DGKH: variants seen among roughly 807,000 people sequenced by gnomAD.
DGKH encodes the protein diacylglycerol kinase eta.
In DGKH, 90 loss-of-function variants were observed where a neutral mutation model predicts 159.3. That is an observed-to-expected ratio of 0.57 (90% CI 0.48 to 0.67). The LOEUF (loss-of-function observed/expected upper bound fraction) is 0.67. Among genes scored for constraint, DGKH ranks in the 30% least tolerant of loss-of-function variants. DGKH has a pLI of 0.00. For synonymous variants in DGKH, 536 were observed against 553.8 expected (o/e 0.97, Z 0.45); for missense variants, 1,181 against 1,506.1 (o/e 0.78, Z 3.57).
At chr13:42,135,494 A>AG (rs1955384006) in intron 3 of DGKH, among the ~76,000 whole-genome samples, 1 of 144,056 alleles carries the variant, frequency 6.9e-6, no homozygotes, top group Non-Finnish European at 1.6e-5. Flanking sequence ...TGTCTCAGAA[A>AG]AAAAAAAAAA....
chr13:42,133,964 G>A (rs1955345716), intron 3 of DGKH, among the ~76,000 whole-genome samples: 3 of 152,156 alleles, frequency 2.0e-5, no homozygotes, highest in Non-Finnish European at 4.4e-5. Flanking sequence ...GGCTAATGGT[G>A]CAGTTTGGTG....
chr13:42,180,587 C>G (rs1359503922), intron 13 of DGKH, among the ~76,000 whole-genome samples: 1 of 152,152 alleles, frequency 6.6e-6, no homozygotes. Context: ...TTTCTTTGAC[C>G]TTGGCCTGAC....
chr13:42,187,912 A>C (rs347393), intron 14 of DGKH, among the ~76,000 whole-genome samples: 12,553 of 152,196 alleles, frequency 0.082, 1,412 homozygotes, highest in African/African-American at 0.26. Flanking sequence ...AACTAAAATA[A>C]GAACAGTTTA....
intron 26 of DGKH, among the ~76,000 whole-genome samples, chr13:42,218,522 T>A (rs950961728): frequency 1.2e-3 from 183 of 148,970 alleles, no homozygotes; most frequent in African/African-American, 4.4e-3. Flanking sequence ...TTTTTTTTTT[T>A]TTGAGTCAGA....
intron 1 of DGKH, among the ~76,000 whole-genome samples, chr13:42,099,370 A>G (rs1420320007): frequency 2.6e-5 from 4 of 152,128 alleles, no homozygotes; most frequent in African/African-American, 9.7e-5. Flanking sequence ...GCCCTGAAGG[A>G]GCCTGCATCC....
chr13:42,156,566 C>T (rs1237802960), intron 5 of DGKH, among the ~76,000 whole-genome samples: 1 of 152,142 alleles, frequency 6.6e-6, no homozygotes. Context: ...AAAGCAAATA[C>T]ATTAATAATT....
Position 42,229,100 on chromosome 13 carries a change from A to G in DGKH, c.3575A>G (p.Asp1192Gly). ...CCTTTTTCTGTTCTTTTATTTTAGG[A>G]TCTGGGGATACCGAAAGTGGGTCAT... ...LLHLERRDLK[D>G]LGIPKVGHVK... The change falls in exon 30 of 30, where the codon GAT becomes GGT. Residue 1192 changes from aspartate to glycine, a missense_variant and splice_region_variant. Transcript: ENST00000337343. The G allele has an allele frequency of 6.2e-7, 1 of 1,607,498 alleles. No individual in the cohort carries two copies. Among genetic ancestry groups the G allele is most frequent in the South Asian group, 1.1e-5 (1 of 89,726 alleles).
At chr13:42,090,741 G>A (rs549976761) in intron 1 of DGKH, among the ~76,000 whole-genome samples, 20 of 152,238 alleles carry the variant, frequency 1.3e-4, no homozygotes, top group African/African-American at 4.1e-4. Flanking sequence ...GAATGTTTTC[G>A]TCTCCTCCAA....
At chr13:42,186,963 A>G (rs1426678489) in intron 13 of DGKH, 86 bp from the exon 14 acceptor site, 1 of 1,175,264 alleles carries the variant, frequency 8.5e-7, no homozygotes, top group Non-Finnish European at 1.3e-6. Flanking sequence ...AGTTTGCTTA[A>G]TTGTGTTTCT....
chr13:42,045,321 GA>G (rs897207224), upstream of DGKH, among the ~76,000 whole-genome samples: 1 of 151,664 alleles, frequency 6.6e-6, no homozygotes, highest in Non-Finnish European at 1.5e-5. Context: ...TCTAAAAAAA[GA>G]AAAAAAATTT....
intron 1 of DGKH, among the ~76,000 whole-genome samples, chr13:42,097,419 C>G (rs1236815474): frequency 6.6e-6 from 1 of 152,166 alleles, no homozygotes; most frequent in African/African-American, 2.4e-5. Context: ...GGGGACTTGT[C>G]GCCTGTGTCC....
Position 42,048,861 on chromosome 13 carries a change from G to T in DGKH, c.88G>T (p.Ala30Ser). ...CGGCGCCGCGGTCACCTCCGCCGCT[G>T]CCTCGGCGGGGCCGGGAGAGGATTC... is the stretch of plus-strand genomic sequence containing the variant. ...GAGAAVTSAA[A>S]SAGPGEDSSD... The change falls in exon 1 of 30, where the codon GCC (alanine) becomes TCC (serine). Residue 30 changes from alanine (A) to serine (S), a missense_variant. By Grantham distance (99) the Ala-to-Ser change is moderately conservative. This residue lies in a region of DGKH where 136 missense variants were observed against 132.2 expected (regional missense o/e 1.03). Coordinates refer to ENST00000337343, the MANE Select transcript of DGKH (RefSeq NM_178009.5). This position sits in a 1 kb window ranked among gnomAD's most constrained non-coding sequence, Gnocchi z 6.7. 1.5e-6 allele frequency: 2 copies of T among 1,375,076 alleles called. No individual in the cohort carries two copies. Among genetic ancestry groups the T allele is most frequent in the South Asian group, 2.0e-5 (1 of 50,524 alleles). The allele number at this position is 1,375,076 out of a possible 1,614,324, so 85.2% of individuals were successfully genotyped here. A position where few individuals can be genotyped will look rare whatever the true frequency, so the allele number is the denominator to read the frequency against.
intron 1 of DGKH, among the ~76,000 whole-genome samples, chr13:42,120,527 G>T (rs1955047742): frequency 6.6e-6 from 1 of 152,092 alleles, no homozygotes; most frequent in South Asian, 2.1e-4. Flanking sequence ...TTCAGTTATT[G>T]CTCTCTAACC....
Position 42,214,605 on chromosome 13 carries a change from G to A in DGKH, c.3113G>A (p.Cys1038Tyr), listed in dbSNP as rs932767472. The change falls in exon 25 of 30, where the codon TGC (cysteine) becomes TAC (tyrosine). Residue 1038 changes from cysteine to tyrosine, a missense_variant. Physicochemically the swap from Cys to Tyr is radical, Grantham distance 194. Around this residue, in one of 5 missense-constraint regions of DGKH, gnomAD observed 335 missense variants for 495.2 expected, o/e 0.68. Coordinates refer to ENST00000337343, the MANE Select transcript of DGKH (RefSeq NM_178009.5). ...SHALNKANPR[C>Y]PESLTRDTAT... Reference sequence around the variant, plus strand: ...GCCCTGAATAAAGCCAACCCAAGGTGCCCGGAGGTGAGGATCTAATGGTAA... The same window carrying A: ...GCCCTGAATAAAGCCAACCCAAGGTACCCGGAGGTGAGGATCTAATGGTAA... 6 of 1,613,096 alleles carry A rather than the reference G, an allele frequency of 3.7e-6. No individual in the cohort carries two copies. Among genetic ancestry groups the A allele is most frequent in the Non-Finnish European group, 5.1e-6 (6 of 1,179,500 alleles).
chr13:42,186,680 G>T (rs941886053), intron 13 of DGKH, among the ~76,000 whole-genome samples: 1 of 152,072 alleles, frequency 6.6e-6, no homozygotes, highest in African/African-American at 2.4e-5. Context: ...TCTTATTTTT[G>T]TTCAGCAATG....
chr13:42,173,182 G>A (rs1956508121), intron 11 of DGKH, among the ~76,000 whole-genome samples: 1 of 152,070 alleles, frequency 6.6e-6, no homozygotes, highest in Non-Finnish European at 1.5e-5. Context: ...TGTTGCCCAG[G>A]CTGGTCTGGA....
At chr13:42,196,316 T>C (rs1266765801) in intron 17 of DGKH, among the ~76,000 whole-genome samples, 1 of 152,108 alleles carries the variant, frequency 6.6e-6, no homozygotes, top group Non-Finnish European at 1.5e-5. Flanking sequence ...CCCAAGAGAA[T>C]TGAAAATACA....
chr13:42,172,171 T>G (rs1956476366), intron 11 of DGKH, among the ~76,000 whole-genome samples: 1 of 150,328 alleles, frequency 6.7e-6, no homozygotes, highest in African/African-American at 2.5e-5. Flanking sequence ...CAGGCTGGAG[T>G]TCAGTGGCAC....
At chr13:42,192,587 T>C (rs1037930809) in intron 16 of DGKH, among the ~76,000 whole-genome samples, 9 of 111,934 alleles carry the variant, frequency 8.0e-5, no homozygotes, top group South Asian at 3.1e-4. Context: ...TCTTCTTCTT[T>C]TTCCTCTTCC....
Sources: gnomAD v4.1 joint callset for allele counts (sites outside exome capture counted in the v4.1 genomes callset) on GRCh38, gnomAD v4.1.1 for gene constraint, gnomAD v4.1.1 regional missense constraint, Gnocchi (gnomAD v3.1) non-coding constraint, MANE v1.5 for transcripts, NCBI Gene and HGNC (gene_info 2026-07-23, HGNC 2026-07-21) for gene names.